The following ADNP variants were observed in gnomAD, a reference collection of about 807,000 sequenced individuals.
ADNP encodes the protein activity dependent neuroprotector homeobox.
ADNP carries 4 observed loss-of-function variants against 84.9 expected under a neutral mutation model. The observed-to-expected ratio is 0.05, with a 90% CI of 0.02 to 0.11. The LOEUF (loss-of-function observed/expected upper bound fraction) is 0.11, where lower values mean the gene tolerates loss of function less well. Among genes scored for constraint, ADNP ranks in the 10% least tolerant of loss-of-function variants. ADNP has a pLI of 1.00. For missense variants in ADNP, 1,132 were observed against 1,326.0 expected, an observed-to-expected ratio of 0.85 and a Z score of 2.27; for synonymous variants, 554 against 468.1, an observed-to-expected ratio of 1.18 and a Z score of -2.37.
chr20:50,892,401 T>C lies in ADNP; in HGVS notation c.2313A>G (p.Leu771=). 1.2e-6 allele frequency: 2 copies of C among 1,614,240 alleles called. No individual in the cohort carries two copies. Among genetic ancestry groups the C allele is most frequent in the Non-Finnish European group, 1.7e-6 (2 of 1,180,046 alleles). ...AGGGCTGTTTGTTGAAATACTTTGT[T>C]AGAAAGCTTTTCCTGGCTTCATAGG... ...DDSYEARKSF[L]TKYFNKQPYP... Residue 771 remains leucine (L), a synonymous_variant, in exon 6 of 6, where the codon CTA becomes CTG. Coordinates refer to ENST00000621696, the MANE Select transcript of ADNP (RefSeq NM_001282531.3).
At chr20:50,929,846 T>C (rs1461708458) in intron 1 of ADNP, among the ~76,000 whole-genome samples, 1 of 152,182 alleles carries the variant, frequency 6.6e-6, no homozygotes, top group African/African-American at 2.4e-5. Context: ...TTTTCCCTCC[T>C]AAGCCTTTGT....
At chr20:50,908,948 G>T (rs1447207863) in intron 2 of ADNP, among the ~76,000 whole-genome samples, 3 of 151,782 alleles carry the variant, frequency 2.0e-5, no homozygotes, top group Non-Finnish European at 4.4e-5. Flanking sequence ...TAAAATACAG[G>T]TAATTATTAC....
rs138522960 is a variant in ADNP at position 50,903,231 on chromosome 20, TG to T, written c.108+657del. 1.8e-4 allele frequency among the ~76,000 whole-genome samples: 28 copies of T among 152,230 alleles called. No homozygotes were observed. In the East Asian group the frequency reaches 3.3e-3, roughly 18 times the overall value. The stretch of plus-strand genomic sequence containing the variant: ...GCTCTGACCAACAAACCATAAGACC[TG>T]GAACAGTGAGATGTTGAAAAGGAGA... On this transcript the variant is annotated intron_variant, in intron 4 of 5. Transcript: ENST00000621696.
chr20:50,907,221 G>A (rs759682674), intron 2 of ADNP, among the ~76,000 whole-genome samples: 26 of 150,926 alleles, frequency 1.7e-4, no homozygotes, highest in Admixed American at 3.3e-4. Flanking sequence ...CTTGTGATCC[G>A]CCCATCTCAG....
chr20:50,914,475 A>G, intron 2 of ADNP: 1 of 386,166 alleles, frequency 2.6e-6, no homozygotes, highest in Non-Finnish European at 4.9e-6. Flanking sequence ...ACTTGGGCAC[A>G]GGACATCATC....
At chr20:50,927,480 T>A (rs1600999800) in intron 2 of ADNP, among the ~76,000 whole-genome samples, 3 of 152,304 alleles carry the variant, frequency 2.0e-5, no homozygotes. Flanking sequence ...ACACTCTAGT[T>A]AATTGAACCT....
chr20:50,890,297 A>G lies in ADNP; in HGVS notation c.*1108T>C, dbSNP rs1335554394. 1 of 163,952 alleles carries G rather than the reference A, an allele frequency of 6.1e-6. No homozygotes were observed. Among genetic ancestry groups the G allele is most frequent in the Non-Finnish European group, 1.3e-5 (1 of 75,842 alleles). 10.2% of individuals were successfully genotyped at this position (163,952 alleles called of 1,614,324 possible). A position where few individuals can be genotyped will look rare whatever the true frequency, so the allele number is the denominator to read the frequency against. ...AAAGAGTTATGGCATTAAATGGCAA[A>G]AGATATAATGGACACACAGGACTGT... On this transcript the variant is annotated 3_prime_UTR_variant, in exon 6 of 6. Transcript: ENST00000621696.
In ADNP at chr20:50,891,015, CATT is replaced by C. The variant is rs1450337724; in HGVS notation, c.*387_*389del. On this transcript the variant is annotated 3_prime_UTR_variant, in exon 6 of 6. Coordinates refer to ENST00000621696, the MANE Select transcript of ADNP (RefSeq NM_001282531.3). ...CGCTTTTCCCAAAGTCTACTATACA[CATT>C]AGACTGGTAGCTTGTATGTTGGCCC... 9.8e-7 allele frequency: 1 copy of C among 1,023,546 alleles called. No homozygotes were observed. The highest frequency in any genetic ancestry group is 1.7e-5 in the African/African-American group (1 of 58,254). 63.4% of individuals were successfully genotyped at this position (1,023,546 alleles called of 1,614,324 possible).
intron 2 of ADNP, among the ~76,000 whole-genome samples, chr20:50,919,604 G>A (rs777367071): frequency 2.6e-5 from 4 of 152,070 alleles, no homozygotes; most frequent in Non-Finnish European, 4.4e-5. Context: ...TAAAAGAGGC[G>A]ATGTATCAGA....
In ADNP at chr20:50,889,798, G is replaced by A; in HGVS notation, c.*1607C>T. ...AAGTTCTCTTGGGAATCTACGCATG[G>A]TAAAAATACCAGCTCCTTCCATCTT... On this transcript the variant is annotated 3_prime_UTR_variant, in exon 6 of 6. Transcript: ENST00000621696. 5.0e-6 allele frequency: 2 copies of A among 398,336 alleles called. No individual in the cohort carries two copies. The highest frequency in any genetic ancestry group is 4.4e-5 in the Admixed American group (1 of 22,704). The allele number at this position is 398,336 out of a possible 1,614,324, so 24.7% of individuals were successfully genotyped here. A position where few individuals can be genotyped will look rare whatever the true frequency, so the allele number is the denominator to read the frequency against.
intron 2 of ADNP, among the ~76,000 whole-genome samples, chr20:50,923,378 G>A (rs898984914): frequency 6.6e-6 from 1 of 151,958 alleles, no homozygotes; most frequent in Non-Finnish European, 1.5e-5. Context: ...CAAGTTTTTC[G>A]AAGCCATTTC....
chr20:50,922,596 T>TTTA (rs1555816449), intron 2 of ADNP, among the ~76,000 whole-genome samples: 2 of 148,530 alleles, frequency 1.3e-5, no homozygotes, highest in African/African-American at 2.5e-5. Flanking sequence ...TTTTTTTTTT[T>TTTA]AAAGACAGAA....
intron 2 of ADNP, among the ~76,000 whole-genome samples, chr20:50,919,675 G>A (rs1021440454): frequency 9.9e-5 from 15 of 152,138 alleles, no homozygotes; most frequent in Non-Finnish European, 2.2e-4. Flanking sequence ...AGGGAGGGTG[G>A]CAACAGCTGC....
chr20:50,917,927 T>C (rs960666565), intron 2 of ADNP, among the ~76,000 whole-genome samples: 3 of 152,204 alleles, frequency 2.0e-5, no homozygotes, highest in African/African-American at 7.2e-5. Context: ...GAAAACATTA[T>C]ACTAAATGAA....
In ADNP at chr20:50,893,573, C is replaced by G. The variant is rs1057523567; in HGVS notation, c.1141G>C (p.Gly381Arg). Residue 381 changes from glycine (G) to arginine (R), a missense_variant, in exon 6 of 6, where the codon GGG becomes CGG. This residue lies in a region of ADNP where 239 missense variants were observed against 213.2 expected (regional missense o/e 1.12). Transcript: ENST00000621696. The surrounding 1 kb of genome is among the most constrained non-coding windows in gnomAD (Gnocchi z 4.4). ...PSGNGRSYGLGSEQRSQAPAR... is the reference protein window; with the variant it reads ...PSGNGRSYGLRSEQRSQAPAR... ...GGTGCCTGGGACCTCTGCTCTGACCCAAGCCCATAAGACCTTCCGTTTCCA... is the reference window on the plus strand; with the variant it reads ...GGTGCCTGGGACCTCTGCTCTGACCGAAGCCCATAAGACCTTCCGTTTCCA... 1.2e-6 allele frequency: 2 copies of G among 1,614,078 alleles called. No homozygotes were observed. Among genetic ancestry groups the G allele is most frequent in the Non-Finnish European group, 1.7e-6 (2 of 1,180,014 alleles).
chr20:50,890,125 T>A lies in ADNP; in HGVS notation c.*1280A>T, dbSNP rs1349625308. ...CTGAAAAACTCAAGGGTGTTTGTTTTTCAGTTAAAAAAAAAAAAAAAAAAA... is the reference window on the plus strand; with the variant it reads ...CTGAAAAACTCAAGGGTGTTTGTTTATCAGTTAAAAAAAAAAAAAAAAAAA... On this transcript the variant is annotated 3_prime_UTR_variant, in exon 6 of 6. Coordinates refer to ENST00000621696, the MANE Select transcript of ADNP (RefSeq NM_001282531.3). 1 of 259,192 alleles carries A rather than the reference T, an allele frequency of 3.9e-6. No individual in the cohort carries two copies. Among genetic ancestry groups the A allele is most frequent in the Non-Finnish European group, 6.9e-6 (1 of 145,496 alleles). 16.1% of individuals were successfully genotyped at this position (259,192 alleles called of 1,614,324 possible).
intron 2 of ADNP, among the ~76,000 whole-genome samples, chr20:50,923,653 G>A (rs1431498050): frequency 6.6e-6 from 1 of 152,172 alleles, no homozygotes; most frequent in Non-Finnish European, 1.5e-5. Flanking sequence ...AAGTAGCTGA[G>A]ACTACATGTG....
At position 50,930,830 on chromosome 20, in the gene ADNP, A is replaced by G. The variant is rs1209316887; in HGVS notation, c.-269T>C. 2 of 146,186 alleles carry G rather than the reference A, an allele frequency of 1.4e-5. No homozygotes were observed. Among genetic ancestry groups the G allele is most frequent in the African/African-American group, 5.0e-5 (2 of 40,098 alleles). 9.1% of individuals were successfully genotyped at this position (146,186 alleles called of 1,614,324 possible). On this transcript the variant is annotated 5_prime_UTR_variant, in exon 1 of 6. Coordinates refer to ENST00000621696, the MANE Select transcript of ADNP (RefSeq NM_001282531.3). ...GCGCGGCGGCGCCGGGCTTACCTTG[A>G]CTCGGCCTCGAGGCGCGCGCGGGGC... is the stretch of plus-strand genomic sequence containing the variant.
chr20:50,900,247 T>C (rs1006341910), intron 5 of ADNP, among the ~76,000 whole-genome samples: 2 of 152,220 alleles, frequency 1.3e-5, no homozygotes, highest in Non-Finnish European at 2.9e-5. Flanking sequence ...TCTTATAGTA[T>C]TCAGTATATA....
Sources: gnomAD v4.1 joint callset for allele counts (sites outside exome capture counted in the v4.1 genomes callset) on GRCh38, gnomAD v4.1.1 for gene constraint, gnomAD v4.1.1 regional missense constraint, Gnocchi (gnomAD v3.1) non-coding constraint, MANE v1.5 for transcripts, NCBI Gene and HGNC (gene_info 2026-07-23, HGNC 2026-07-21) for gene names.